PHF21A: variants seen among roughly 807,000 people sequenced by gnomAD.
The protein encoded by PHF21A is BHC80a.
Under a neutral mutation model 82.5 loss-of-function variants are expected in PHF21A, and 11 were observed. The observed-to-expected ratio is 0.13, with a 90% CI of 0.08 to 0.22. The LOEUF (loss-of-function observed/expected upper bound fraction) is 0.22. PHF21A is among the 10% of genes least tolerant of loss of function. The pLI is 1.00. For missense variants in PHF21A, 579 were observed against 837.8 expected (o/e 0.69, Z 3.81); for synonymous variants, 297 against 302.8 (o/e 0.98, Z 0.20).
chr11:45,957,089 C>T (rs1216941386), intron 10 of PHF21A, among the ~76,000 whole-genome samples: 4 of 152,092 alleles, frequency 2.6e-5, no homozygotes, highest in African/African-American at 9.7e-5. Flanking sequence ...GATGATATAA[C>T]AGTTATAATC....
Position 45,999,170 on chromosome 11 carries a change from T to C in PHF21A, c.154-19204A>G, listed in dbSNP as rs192669300. 1.2e-3 allele frequency among the ~76,000 whole-genome samples: 183 copies of C among 152,166 alleles called. 2 individuals carry two copies. The highest frequency in any genetic ancestry group is 2.8e-4 in the Non-Finnish European group (19 of 68,006). Reference sequence around the variant, plus strand: ...ACAGAGTATCAACAAAGAAAATTATTAGAAAATTTAAAAACTATGTAAACA... The same window carrying C: ...ACAGAGTATCAACAAAGAAAATTATCAGAAAATTTAAAAACTATGTAAACA... On this transcript the variant is annotated intron_variant, in intron 6 of 18. Coordinates refer to ENST00000676320, the MANE Select transcript of PHF21A (RefSeq NM_001352027.3).
chr11:45,972,297 A>G (rs1231113155), intron 7 of PHF21A, among the ~76,000 whole-genome samples: 1 of 152,184 alleles, frequency 6.6e-6, no homozygotes, highest in Non-Finnish European at 1.5e-5. Context: ...CAGTTACAAA[A>G]CAAACAAAAA....
At chr11:46,048,468 T>C (rs185404855) in intron 6 of PHF21A, among the ~76,000 whole-genome samples, 4 of 152,276 alleles carry the variant, frequency 2.6e-5, no homozygotes, top group Admixed American at 2.0e-4. Context: ...TGAACATCCA[T>C]GTAGAAATTT....
At chr11:45,984,433 C>A (rs1443290392) in intron 6 of PHF21A, among the ~76,000 whole-genome samples, 1 of 152,150 alleles carries the variant, frequency 6.6e-6, no homozygotes, top group Non-Finnish European at 1.5e-5. Context: ...GTTCACAGAG[C>A]CTCTGACACT....
chr11:46,036,861 C>T (rs1041066632), intron 6 of PHF21A, among the ~76,000 whole-genome samples: 11 of 152,060 alleles, frequency 7.2e-5, no homozygotes, highest in Non-Finnish European at 1.0e-4. Context: ...GTTTAAATAG[C>T]ATTTTTTATG....
In PHF21A at chr11:45,961,987, T is replaced by C. The variant is rs558734020; in HGVS notation, c.996+3328A>G. On this transcript the variant is annotated intron_variant, in intron 10 of 18. Transcript: ENST00000676320. ...GGTAGATAAGGAAGTTGGTTATGTC[T>C]GACAGGGGAAGGACACGTGAGACCA... Among the ~76,000 whole-genome samples, 5 of 152,328 alleles carry C rather than the reference T, an allele frequency of 3.3e-5. No homozygotes were observed. In the South Asian group the frequency reaches 1.0e-3, roughly 32 times the overall value.
At chr11:46,056,633 C>A (rs1048625389) in intron 6 of PHF21A, among the ~76,000 whole-genome samples, 7 of 152,024 alleles carry the variant, frequency 4.6e-5, no homozygotes, top group Admixed American at 3.3e-4. Context: ...TTTTATTACC[C>A]ATGAAACACT....
At chr11:45,963,040 T>G (rs1162885518) in intron 10 of PHF21A, among the ~76,000 whole-genome samples, 1 of 152,146 alleles carries the variant, frequency 6.6e-6, no homozygotes, top group Non-Finnish European at 1.5e-5. Context: ...ATGCTTAAGA[T>G]CTATTAAAGT....
chr11:46,093,546 A>G (rs1346609373), intron 1 of PHF21A, among the ~76,000 whole-genome samples: 1 of 152,234 alleles, frequency 6.6e-6, no homozygotes, highest in Non-Finnish European at 1.5e-5. Flanking sequence ...AATTTTAATC[A>G]CCAAGGTTAG....
At chr11:46,111,060 C>G (rs1226532806) in intron 1 of PHF21A, among the ~76,000 whole-genome samples, 1 of 151,664 alleles carries the variant, frequency 6.6e-6, no homozygotes, top group Non-Finnish European at 1.5e-5. Context: ...GCTGGGATTA[C>G]AGGCGTGAGC....
chr11:46,038,179 TGCA>T (rs1434983913), intron 6 of PHF21A, among the ~76,000 whole-genome samples: 2 of 151,662 alleles, frequency 1.3e-5, no homozygotes, highest in Non-Finnish European at 2.9e-5. Flanking sequence ...CAGGCTGGAG[TGCA>T]GTGGCACAAT....
chr11:45,937,625 C>T (rs536571635), intron 16 of PHF21A, among the ~76,000 whole-genome samples: 2 of 152,258 alleles, frequency 1.3e-5, no homozygotes, highest in South Asian at 4.1e-4. Flanking sequence ...GGATTACAGG[C>T]GCCTGCCACC....
chr11:46,056,904 G>C (rs765768321), intron 6 of PHF21A, among the ~76,000 whole-genome samples: 5 of 151,878 alleles, frequency 3.3e-5, no homozygotes, highest in Non-Finnish European at 5.9e-5. Flanking sequence ...ACAAACAGTG[G>C]GCTGAGGTAC....
In PHF21A at chr11:46,058,256, G is replaced by C. The variant is rs373917182; in HGVS notation, c.153+18498C>G. The stretch of plus-strand genomic sequence containing the variant: ...CTCACAACTTCCAATCATTTACTTA[G>C]AAAAAAATGAATGGTGTCCAACAGA... On this transcript the variant is annotated intron_variant, in intron 6 of 18. Coordinates refer to ENST00000676320, the MANE Select transcript of PHF21A (RefSeq NM_001352027.3). Among the ~76,000 whole-genome samples the C allele has an allele frequency of 2.6e-5, 4 of 152,208 alleles. No individual in the cohort carries two copies. In the East Asian group the frequency reaches 5.8e-4, roughly 22 times the overall value.
At chr11:45,958,071 A>G (rs2092795633) in intron 10 of PHF21A, among the ~76,000 whole-genome samples, 1 of 152,062 alleles carries the variant, frequency 6.6e-6, no homozygotes, top group South Asian at 2.1e-4. Flanking sequence ...GACTCAAGAT[A>G]AAGAAAATCT....
At chr11:46,107,907 G>A (rs1238720494) in intron 1 of PHF21A, among the ~76,000 whole-genome samples, 1 of 151,990 alleles carries the variant, frequency 6.6e-6, no homozygotes, top group East Asian at 1.9e-4. Context: ...TTTGGTAGTG[G>A]TTGAGTGAGT....
At chr11:46,049,977 A>G (rs758505446) in intron 6 of PHF21A, among the ~76,000 whole-genome samples, 1 of 152,264 alleles carries the variant, frequency 6.6e-6, no homozygotes, top group African/African-American at 2.4e-5. Flanking sequence ...AAGTAGGACC[A>G]TATTCTATCA....
intron 6 of PHF21A, among the ~76,000 whole-genome samples, chr11:46,020,158 T>C (rs2095601195): frequency 6.6e-6 from 1 of 152,160 alleles, no homozygotes; most frequent in Non-Finnish European, 1.5e-5. Context: ...GGGAATATGA[T>C]TACTTTTTCT....
chr11:45,933,869 T>C lies in PHF21A; in HGVS notation c.*99A>G. On this transcript the variant is annotated 3_prime_UTR_variant, in exon 19 of 19. Transcript: ENST00000676320. Reference sequence around the variant, plus strand: ...CTCTGGAACCAAAGAACCAAAAGAATTCTGCACTTTCCAGAAATCCGGCTT... The same window carrying C: ...CTCTGGAACCAAAGAACCAAAAGAACTCTGCACTTTCCAGAAATCCGGCTT... The C allele has an allele frequency of 3.3e-6, 4 of 1,221,348 alleles. No homozygotes were observed. The highest frequency in any genetic ancestry group is 1.7e-5 in the South Asian group (1 of 57,326). The allele number at this position is 1,221,348 out of a possible 1,614,324, so 75.7% of individuals were successfully genotyped here.
Sources: gnomAD v4.1 joint callset for allele counts (sites outside exome capture counted in the v4.1 genomes callset) on GRCh38, gnomAD v4.1.1 for gene constraint, MANE v1.5 for transcripts, NCBI Gene and HGNC (gene_info 2026-07-23, HGNC 2026-07-21) for gene names.